GREB1: variants seen among roughly 807,000 people sequenced by gnomAD.
GREB1 encodes protein GREB1.
GREB1 carries 106 observed loss-of-function variants against 200.7 expected under a neutral mutation model. The observed-to-expected ratio is 0.53, with a 90% CI of 0.45 to 0.62. The LOEUF (loss-of-function observed/expected upper bound fraction) is 0.62. Among genes scored for constraint, GREB1 ranks in the 20% least tolerant of loss-of-function variants. The pLI is 0.00. For synonymous variants in GREB1, 1,132 were observed against 1,092.4 expected (o/e 1.04, Z -0.72); for missense variants, 2,243 against 2,556.8 (o/e 0.88, Z 2.65).
rs1680875190 is a variant in GREB1 at position 11,592,874 on chromosome 2, CCGCCGCAGCCCTTCCCGCCCGCGCCCAG to C, written c.1451_1478del (p.Gln484ArgfsTer4). On this transcript the variant is annotated frameshift_variant, in exon 11 of 33. Transcript: ENST00000381486. LOFTEE classifies it high-confidence loss of function. ...CGAGATCCGGCAGTACCAGCAGGCG[CCGCCGCAGCCCTTCCCGCCCGCGCCCAG>C]CGCCGCGGCACCCGTGACCTCCGCG... 6.3e-7 allele frequency: 1 copy of C among 1,598,548 alleles called. No individual in the cohort carries two copies. Among genetic ancestry groups the C allele is most frequent in the Non-Finnish European group, 8.5e-7 (1 of 1,174,502 alleles).
chr2:11,506,103 T>C (rs1414185637), intron 1 of GREB1, among the ~76,000 whole-genome samples: 3 of 152,176 alleles, frequency 2.0e-5, no homozygotes, highest in Admixed American at 1.3e-4. Flanking sequence ...ACCTGCAGTA[T>C]GTCAGGCACC....
intron 1 of GREB1, among the ~76,000 whole-genome samples, chr2:11,511,988 C>T (rs1469959029): frequency 6.6e-6 from 1 of 152,152 alleles, no homozygotes; most frequent in Non-Finnish European, 1.5e-5. Flanking sequence ...AAAAAAATCT[C>T]GGTCCAGTCT....
chr2:11,572,010 C>T (rs957003626), intron 4 of GREB1, among the ~76,000 whole-genome samples: 3 of 152,138 alleles, frequency 2.0e-5, no homozygotes, highest in Non-Finnish European at 2.9e-5. Context: ...CACGCCCAGC[C>T]GAACCATGCA....
chr2:11,576,169 C>T (rs539085149), intron 4 of GREB1, among the ~76,000 whole-genome samples, 184 bp from the exon 5 acceptor site: 102 of 152,168 alleles, frequency 6.7e-4, no homozygotes, highest in African/African-American at 2.0e-3. Context: ...CAGCTAGGCA[C>T]GGTGGCAGAT....
intron 22 of GREB1, 24 bp from the exon 23 acceptor site, chr2:11,620,881 G>C: frequency 6.8e-7 from 1 of 1,465,374 alleles, no homozygotes; most frequent in South Asian, 1.1e-5. Context: ...CTCACTGGGG[G>C]TTTTAACTCC....
chr2:11,541,221 G>C (rs1329322856), intron 1 of GREB1, among the ~76,000 whole-genome samples: 2 of 152,164 alleles, frequency 1.3e-5, no homozygotes, highest in African/African-American at 2.4e-5. Flanking sequence ...TATGTGGTGT[G>C]TTTTGGATGT....
At chr2:11,495,910 C>T (rs1672872928) in intron 1 of GREB1, among the ~76,000 whole-genome samples, 1 of 151,812 alleles carries the variant, frequency 6.6e-6, no homozygotes, top group Non-Finnish European at 1.5e-5. Flanking sequence ...CGTGGCGCTC[C>T]TCTTCTGTCT....
chr2:11,582,754 G>T (rs1679636425), intron 7 of GREB1, among the ~76,000 whole-genome samples: 1 of 152,268 alleles, frequency 6.6e-6, no homozygotes, highest in African/African-American at 2.4e-5. Context: ...CAGCTGAAGT[G>T]TCGGAGTTCC....
chr2:11,556,534 C>G lies in GREB1; in HGVS notation c.-81C>G. The G allele has an allele frequency of 8.4e-7, 1 of 1,189,078 alleles. No homozygotes were observed. Among genetic ancestry groups the G allele is most frequent in the Non-Finnish European group, 1.2e-6 (1 of 837,134 alleles). The allele number at this position is 1,189,078 out of a possible 1,614,324, so 73.7% of individuals were successfully genotyped here. ...CGGCCCTTCCTCCTTGCAGCTGTTT[C>G]ACCTTCTACCTTGCGTGGAGCCAGG... On this transcript the variant is annotated 5_prime_UTR_variant, in exon 2 of 33. Coordinates refer to ENST00000381486, the MANE Select transcript of GREB1 (RefSeq NM_014668.4).
chr2:11,631,362 C>A (rs1029654074), intron 26 of GREB1, among the ~76,000 whole-genome samples: 14 of 152,188 alleles, frequency 9.2e-5, no homozygotes, highest in Non-Finnish European at 1.5e-4. Flanking sequence ...TAAAGACATA[C>A]AAGAATAATG....
chr2:11,613,677 C>T (rs956043576), intron 19 of GREB1, among the ~76,000 whole-genome samples: 1 of 152,188 alleles, frequency 6.6e-6, no homozygotes, highest in African/African-American at 2.4e-5. Flanking sequence ...TTCTTCAACT[C>T]CTTAAGGACT....
In GREB1 at chr2:11,634,171, A is replaced by G; in HGVS notation, c.5032A>G (p.Ile1678Val). 6.2e-7 allele frequency: 1 copy of G among 1,614,226 alleles called. No individual in the cohort carries two copies. The highest frequency in any genetic ancestry group is 1.1e-5 in the South Asian group (1 of 91,086). ...WSERNVSLKH[I>V]MQHIEAAPDI... ...GGAAAGGAACGTGTCTTTGAAGCACATCATGCAGCACATCGAGGCGGCCCC... is the reference window on the plus strand; with the variant it reads ...GGAAAGGAACGTGTCTTTGAAGCACGTCATGCAGCACATCGAGGCGGCCCC... Residue 1678 changes from isoleucine to valine, a missense_variant, in exon 29 of 33, where the codon ATC becomes GTC. Ile to Val is a conservative substitution (Grantham distance 29). Coordinates refer to ENST00000381486, the MANE Select transcript of GREB1 (RefSeq NM_014668.4).
chr2:11,640,957 A>G lies in GREB1; in HGVS notation c.*503A>G, dbSNP rs1161851725. On this transcript the variant is annotated 3_prime_UTR_variant, in exon 33 of 33. Transcript: ENST00000381486. The surrounding 1 kb of genome is among the most constrained non-coding windows in gnomAD (Gnocchi z 4.6). ...TAAGTAGATCGTTTTAATAACAATTATTTAATTGCCTATAAGTTTGCTGTT... is the reference window on the plus strand; with the variant it reads ...TAAGTAGATCGTTTTAATAACAATTGTTTAATTGCCTATAAGTTTGCTGTT... The G allele has an allele frequency of 6.4e-6, 1 of 155,124 alleles. No individual in the cohort carries two copies. Among genetic ancestry groups the G allele is most frequent in the African/African-American group, 2.4e-5 (1 of 41,498 alleles). 9.6% of individuals were successfully genotyped at this position (155,124 alleles called of 1,614,324 possible).
At chr2:11,578,016 G>C (rs927998378) in intron 5 of GREB1, among the ~76,000 whole-genome samples, 1 of 152,200 alleles carries the variant, frequency 6.6e-6, no homozygotes, top group African/African-American at 2.4e-5. Context: ...GCTACGGGTA[G>C]CTGTAGGGTG....
At chr2:11,625,074 C>T in intron 23 of GREB1, 80 bp from the exon 24 acceptor site, 1 of 1,124,372 alleles carries the variant, frequency 8.9e-7, no homozygotes, top group Non-Finnish European at 1.3e-6. Flanking sequence ...AGAACGTATT[C>T]TGTGTTGTTT....
chr2:11,577,522 C>T (rs1678998426), intron 5 of GREB1, among the ~76,000 whole-genome samples: 1 of 152,232 alleles, frequency 6.6e-6, no homozygotes, highest in East Asian at 1.9e-4. Flanking sequence ...TTCTTTGTCT[C>T]AGCTTTGCCC....
At chr2:11,594,675 C>T (rs1251550566) in intron 11 of GREB1, among the ~76,000 whole-genome samples, 2 of 126,636 alleles carry the variant, frequency 1.6e-5, no homozygotes, top group East Asian at 2.2e-4. Flanking sequence ...AATCTTAAAC[C>T]CATTCTGTGT....
chr2:11,495,954 C>T (rs1345588748), intron 1 of GREB1, among the ~76,000 whole-genome samples: 1 of 152,030 alleles, frequency 6.6e-6, no homozygotes, highest in African/African-American at 2.4e-5. Context: ...TAACGGCAAC[C>T]CCGTTTTCCA....
chr2:11,612,621 G>GGGTT lies in GREB1; in HGVS notation c.3122+12_3122+15dup. ...GGAGTCCTTGCCGAGGTGAGTGGAG[G>GGGTT]GGTTATGCCCCTGGGGGTCTCTGAG... On this transcript the variant is annotated intron_variant, in intron 19 of 32. Coordinates refer to ENST00000381486, the MANE Select transcript of GREB1 (RefSeq NM_014668.4). 1 of 1,564,606 alleles carries GGGTT rather than the reference G, an allele frequency of 6.4e-7. No individual in the cohort carries two copies.
Sources: allele counts gnomAD v4.1 joint callset (sites outside exome capture counted in the v4.1 genomes callset), GRCh38; gene constraint gnomAD v4.1.1; non-coding constraint Gnocchi (gnomAD v3.1); transcripts MANE v1.5; gene names NCBI Gene and HGNC (gene_info 2026-07-23, HGNC 2026-07-21).